The following CLNK variants were observed in gnomAD, a reference collection of about 807,000 sequenced individuals.
CLNK encodes cytokine dependent hematopoietic cell linker.
CLNK carries 74 observed loss-of-function variants against 68.6 expected under a neutral mutation model. That is an observed-to-expected ratio of 1.08 (90% CI 0.89 to 1.31). The LOEUF (loss-of-function observed/expected upper bound fraction) is 1.31, where lower values mean the gene tolerates loss of function less well. Among genes scored for constraint, CLNK ranks in the 50% most tolerant of loss-of-function variants. The pLI is 0.00. For missense variants in CLNK, 553 were observed against 515.3 expected (o/e 1.07, Z -0.71); for synonymous variants, 198 against 172.2 (o/e 1.15, Z -1.17).
chr4:10,725,656 A>G, the CLNK span, among the ~76,000 whole-genome samples: 1 of 152,162 alleles, frequency 6.6e-6, no homozygotes, highest in South Asian at 2.1e-4. Context: ...GATCGAGACC[A>G]TCCTGGCTAA....
At chr4:10,564,058 A>C (rs982176025) in intron 7 of CLNK, among the ~76,000 whole-genome samples, 4 of 152,104 alleles carry the variant, frequency 2.6e-5, no homozygotes, top group Non-Finnish European at 4.4e-5. Flanking sequence ...ATTAAAAATA[A>C]AATTCTATGT....
the CLNK span, among the ~76,000 whole-genome samples, chr4:10,704,589 C>T: frequency 6.6e-6 from 1 of 152,152 alleles, no homozygotes; most frequent in Non-Finnish European, 1.5e-5. Flanking sequence ...GTCTGCTCCT[C>T]TAGGTTGGGC....
chr4:10,542,304 G>A, intron 8 of CLNK, 24 bp from the exon 9 acceptor site: 1 of 1,491,314 alleles, frequency 6.7e-7, no homozygotes, highest in Non-Finnish European at 9.2e-7. Flanking sequence ...GGGAATAGCA[G>A]TGAATTTATG....
chr4:10,723,185 T>C, the CLNK span, among the ~76,000 whole-genome samples: 66,052 of 152,012 alleles, frequency 0.43, 15,153 homozygotes, highest in East Asian at 0.58. Flanking sequence ...TTTCCTGTCA[T>C]AGCTGCAGTG....
intron 2 of CLNK, among the ~76,000 whole-genome samples, chr4:10,641,726 T>C (rs1723313336): frequency 6.6e-6 from 1 of 152,218 alleles, no homozygotes; most frequent in South Asian, 2.1e-4. Flanking sequence ...CTCCTACTGA[T>C]ATGGTTTGGC....
chr4:10,585,182 T>C (rs1720925253), intron 3 of CLNK, among the ~76,000 whole-genome samples: 1 of 152,214 alleles, frequency 6.6e-6, no homozygotes, highest in Non-Finnish European at 1.5e-5. Context: ...AAATAAAAAT[T>C]GACACCACAG....
the CLNK span, among the ~76,000 whole-genome samples, chr4:10,700,469 T>A: frequency 6.6e-6 from 1 of 152,198 alleles, no homozygotes; most frequent in Non-Finnish European, 1.5e-5. Context: ...TATTATACAT[T>A]CACAGGGGTT....
chr4:10,594,033 C>T lies in CLNK; in HGVS notation c.83+3945G>A, dbSNP rs115814803. 3.1e-3 allele frequency among the ~76,000 whole-genome samples: 468 copies of T among 152,258 alleles called. 5 individuals are homozygous for T. The highest frequency in any genetic ancestry group is 0.011 in the African/African-American group (461 of 41,552). On this transcript the variant is annotated intron_variant, in intron 3 of 18. Transcript: ENST00000226951. ...CCTGTGTCCCTCCTGTTCCCTAGGG[C>T]CTGCGTCTGTGTCTGCCATGGTGCA...
rs142230927 is a variant in CLNK at position 10,646,513 on chromosome 4, A to G, written c.11+21346T>C. Among the ~76,000 whole-genome samples, 3 of 152,346 alleles carry G rather than the reference A, an allele frequency of 2.0e-5. No homozygotes were observed. The East Asian group carries it at 5.8e-4, about 29-fold the overall frequency. Reference sequence around the variant, plus strand: ...ATCAGCTTTGGAGCAGATGCGTCCAAGAAAATTCATTTTGCCAGGAAGAAA... The same window carrying G: ...ATCAGCTTTGGAGCAGATGCGTCCAGGAAAATTCATTTTGCCAGGAAGAAA... On this transcript the variant is annotated intron_variant, in intron 2 of 18. Coordinates refer to ENST00000226951, the MANE Select transcript of CLNK (RefSeq NM_052964.4).
intron 2 of CLNK, among the ~76,000 whole-genome samples, chr4:10,603,672 G>T (rs959937789): frequency 6.6e-6 from 1 of 152,228 alleles, no homozygotes; most frequent in African/African-American, 2.4e-5. Flanking sequence ...GGCCTCAGCG[G>T]CCCCCACGGG....
intron 11 of CLNK, among the ~76,000 whole-genome samples, chr4:10,536,032 G>A (rs377275744): frequency 3.3e-5 from 5 of 152,106 alleles, no homozygotes; most frequent in African/African-American, 7.2e-5. Flanking sequence ...TAATTGTTTC[G>A]TGAAACCAAG....
intron 3 of CLNK, among the ~76,000 whole-genome samples, chr4:10,585,491 T>A (rs988411138): frequency 1.3e-5 from 2 of 152,240 alleles, no homozygotes; most frequent in African/African-American, 4.8e-5. Flanking sequence ...CACTTCCATT[T>A]TCTATATATC....
chr4:10,699,492 C>A, the CLNK span, among the ~76,000 whole-genome samples: 13,281 of 59,026 alleles, frequency 0.23, 1,169 homozygotes, highest in South Asian at 0.34. Context: ...CTCTCTCTCT[C>A]TCTATATATA....
At chr4:10,699,494 C>CTCTCTCTCTCTCTCTATATATA in the CLNK span, among the ~76,000 whole-genome samples, 2 of 56,966 alleles carry the variant, frequency 3.5e-5, no homozygotes, top group African/African-American at 1.8e-4. Context: ...CTCTCTCTCT[C>CTCTCTCTCTCTCTCTATATATA]TATATATATA....
Position 10,487,895 on chromosome 4 carries a change from C to T in CLNK, c.*2572G>A, listed in dbSNP as rs1453535568. 6.6e-6 allele frequency: 1 copy of T among 152,138 alleles called. No individual in the cohort carries two copies. The highest frequency in any genetic ancestry group is 1.9e-4 in the East Asian group (1 of 5,190). The allele number at this position is 152,138 out of a possible 1,614,324, so 9.4% of individuals were successfully genotyped here. A position where few individuals can be genotyped will look rare whatever the true frequency, so the allele number is the denominator to read the frequency against. On this transcript the variant is annotated 3_prime_UTR_variant, in exon 19 of 19. Transcript: ENST00000226951. ...ATACCCATACTTCTGTTTCTTCTCC[C>T]TTTTATCTTTCTCAAACATTAACCT... is the stretch of plus-strand genomic sequence containing the variant.
chr4:10,588,858 A>T (rs1052516836), intron 3 of CLNK, among the ~76,000 whole-genome samples: 6 of 152,150 alleles, frequency 3.9e-5, no homozygotes, highest in South Asian at 2.1e-4. Flanking sequence ...TATTGTATAT[A>T]CTACATACAA....
At chr4:10,685,581 T>C (rs970227005), upstream of CLNK, among the ~76,000 whole-genome samples, 4 of 152,182 alleles carry the variant, frequency 2.6e-5, no homozygotes, top group Non-Finnish European at 4.4e-5. Context: ...TTATATAAAT[T>C]GATGTTGAAT....
At chr4:10,580,173 C>T (rs1720726005) in intron 4 of CLNK, among the ~76,000 whole-genome samples, 1 of 152,186 alleles carries the variant, frequency 6.6e-6, no homozygotes, top group Non-Finnish European at 1.5e-5. Context: ...CATATCATTA[C>T]CTAATGATGT....
rs58693740 is a variant in CLNK, at chr4:10,577,694, AG to A, written c.113-5917del. On this transcript the variant is annotated intron_variant, in intron 4 of 18. Transcript: ENST00000226951. ...GGCCAGTACAAGGGAGGGAGCAAGA[AG>A]GCGGGAAGAACAGGGTCTCTGAGGA... Among the ~76,000 whole-genome samples the A allele has an allele frequency of 9.2e-3, 1,406 of 152,238 alleles. 21 individuals carry two copies. The highest frequency in any genetic ancestry group is 0.032 in the African/African-American group (1,338 of 41,540).
Sources: gnomAD v4.1 joint callset for allele counts (sites outside exome capture counted in the v4.1 genomes callset) on GRCh38, gnomAD v4.1.1 for gene constraint, MANE v1.5 for transcripts, NCBI Gene and HGNC (gene_info 2026-07-23, HGNC 2026-07-21) for gene names.